The following ROBO2 variants were observed in gnomAD, a reference collection of about 807,000 sequenced individuals.
ROBO2 encodes the protein roundabout homolog 2.
ROBO2 carries 53 observed loss-of-function variants against 160.8 expected under a neutral mutation model. The ratio of observed to expected loss-of-function variants is 0.33; its 90% CI spans 0.26 to 0.41. The LOEUF (loss-of-function observed/expected upper bound fraction) is 0.41, where lower values mean the gene tolerates loss of function less well. Ranked by LOEUF, ROBO2 falls within the 10% of genes least tolerant of loss-of-function variation. The pLI is 1.00. For synonymous variants in ROBO2, 664 were observed against 611.7 expected (o/e 1.09, Z -1.26); for missense variants, 1,577 against 1,722.4 (o/e 0.92, Z 1.49).
At chr3:77,177,685 G>A (rs1471607410) in intron 2 of ROBO2, among the ~76,000 whole-genome samples, 2 of 151,778 alleles carry the variant, frequency 1.3e-5, no homozygotes, top group Admixed American at 6.6e-5. Context: ...AGCCAACTGT[G>A]GTTTACAGTC....
intron 2 of ROBO2, among the ~76,000 whole-genome samples, chr3:76,098,568 T>C (rs1037336409): frequency 4.0e-5 from 6 of 148,222 alleles, no homozygotes; most frequent in Non-Finnish European, 9.0e-5. Context: ...ATCAAATAAA[T>C]ATGAAAAAAT....
At chr3:75,923,506 G>A (rs1182630079) in intron 1 of ROBO2, among the ~76,000 whole-genome samples, 1 of 152,168 alleles carries the variant, frequency 6.6e-6, no homozygotes, top group Non-Finnish European at 1.5e-5. Flanking sequence ...CTGAGCAGGT[G>A]ATGTCACCAC....
rs141612843 is a variant in ROBO2, at chr3:77,413,783, T to G, written c.389-63631T>G. On this transcript the variant is annotated intron_variant, in intron 2 of 25. Transcript: ENST00000461745. Reference sequence around the variant, plus strand: ...TGTTGGCCTAACTGGAAGAACAGAATTGCCACTTACTAAGATGGAAAGACT... The same window carrying G: ...TGTTGGCCTAACTGGAAGAACAGAAGTGCCACTTACTAAGATGGAAAGACT... Among the ~76,000 whole-genome samples, 7 of 152,290 alleles carry G rather than the reference T, an allele frequency of 4.6e-5. No individual in the cohort carries two copies. The East Asian group carries it at 1.4e-3, about 29-fold the overall frequency.
At chr3:76,079,888 T>C (rs1292750854) in intron 2 of ROBO2, among the ~76,000 whole-genome samples, 1 of 152,090 alleles carries the variant, frequency 6.6e-6, no homozygotes, top group Non-Finnish European at 1.5e-5. Context: ...TCCTAAAAGA[T>C]TGGCCTTACT....
intron 2 of ROBO2, among the ~76,000 whole-genome samples, chr3:76,413,982 C>G (rs891563995): frequency 6.6e-6 from 1 of 152,100 alleles, no homozygotes; most frequent in African/African-American, 2.4e-5. Flanking sequence ...CTGGGGAGGC[C>G]TCAGAATCAT....
chr3:76,205,909 C>CT (rs1376708688), intron 2 of ROBO2, among the ~76,000 whole-genome samples: 1 of 152,194 alleles, frequency 6.6e-6, no homozygotes, highest in African/African-American at 2.4e-5. Context: ...TAACAACCAT[C>CT]TAGCCATGGG....
At chr3:76,444,067 G>A (rs1209931471) in intron 2 of ROBO2, among the ~76,000 whole-genome samples, 1 of 152,094 alleles carries the variant, frequency 6.6e-6, no homozygotes, top group Non-Finnish European at 1.5e-5. Context: ...CCAGGTTCAA[G>A]CGATTCTCCT....
chr3:76,103,556 C>T (rs980595687), intron 2 of ROBO2, among the ~76,000 whole-genome samples: 3 of 152,068 alleles, frequency 2.0e-5, no homozygotes, highest in Middle Eastern at 6.3e-3. Context: ...GGGGAGAGGA[C>T]CGTTATCATT....
intron 2 of ROBO2, among the ~76,000 whole-genome samples, chr3:76,807,843 A>G (rs1038046397): frequency 2.6e-5 from 4 of 152,046 alleles, no homozygotes; most frequent in Admixed American, 6.6e-5. Context: ...CAGATAAATT[A>G]TGATGAGGTT....
intron 2 of ROBO2, among the ~76,000 whole-genome samples, chr3:76,570,565 A>G (rs1207540499): frequency 6.6e-6 from 1 of 152,194 alleles, no homozygotes; most frequent in Non-Finnish European, 1.5e-5. Context: ...TTTAAAACAA[A>G]AGCTTTTTAA....
intron 2 of ROBO2, among the ~76,000 whole-genome samples, chr3:76,992,378 T>C (rs2060730713): frequency 1.4e-5 from 2 of 138,154 alleles, no homozygotes; most frequent in African/African-American, 2.7e-5. Context: ...TAAATTTAGC[T>C]TTTGTAAAAA....
At chr3:76,840,160 A>AT (rs1321653897) in intron 2 of ROBO2, among the ~76,000 whole-genome samples, 7 of 150,058 alleles carry the variant, frequency 4.7e-5, no homozygotes, top group South Asian at 2.1e-4. Flanking sequence ...TATCTTTTGT[A>AT]TTTTTTTAAT....
chr3:75,991,404 A>G (rs2065564706), intron 2 of ROBO2, among the ~76,000 whole-genome samples: 1 of 152,066 alleles, frequency 6.6e-6, no homozygotes, highest in African/African-American at 2.4e-5. Context: ...GTGATAGTGA[A>G]TAAGTCTCAC....
At chr3:76,570,090 T>C (rs2108590554) in intron 2 of ROBO2, among the ~76,000 whole-genome samples, 1 of 152,256 alleles carries the variant, frequency 6.6e-6, no homozygotes, top group East Asian at 1.9e-4. Flanking sequence ...AGCTTGATCA[T>C]GCCTCTGAAC....
At chr3:76,315,704 TA>T (rs561456863) in intron 2 of ROBO2, among the ~76,000 whole-genome samples, 1 of 152,204 alleles carries the variant, frequency 6.6e-6, no homozygotes, top group Non-Finnish European at 1.5e-5. Flanking sequence ...TATGAACTAA[TA>T]AAAAATTTAC....
intron 5 of ROBO2, among the ~76,000 whole-genome samples, chr3:77,517,882 C>T (rs1226524241): frequency 3.3e-5 from 5 of 151,316 alleles, no homozygotes; most frequent in African/African-American, 7.3e-5. Context: ...TTGACTGTCT[C>T]GTGTAGTGTA....
intron 2 of ROBO2, among the ~76,000 whole-genome samples, chr3:76,903,723 G>A (rs2075390945): frequency 6.6e-6 from 1 of 152,086 alleles, no homozygotes; most frequent in Admixed American, 6.6e-5. Context: ...TCATTTACAT[G>A]GGATTGCTAT....
At chr3:77,608,236 AAAGC>A (rs1390544911) in intron 21 of ROBO2, among the ~76,000 whole-genome samples, 2 of 152,200 alleles carry the variant, frequency 1.3e-5, no homozygotes, top group Admixed American at 6.5e-5. Flanking sequence ...TGTTAGTTTG[AAAGC>A]AAGTACCCAC....
At chr3:77,339,300 G>A (rs2066816768) in intron 2 of ROBO2, among the ~76,000 whole-genome samples, 1 of 152,064 alleles carries the variant, frequency 6.6e-6, no homozygotes, top group Admixed American at 6.6e-5. Context: ...AATGAGCAAA[G>A]ATAATTTGAA....
Sources: gnomAD v4.1 joint callset for allele counts (sites outside exome capture counted in the v4.1 genomes callset) on GRCh38, gnomAD v4.1.1 for gene constraint, MANE v1.5 for transcripts, NCBI Gene and HGNC (gene_info 2026-07-23, HGNC 2026-07-21) for gene names.